The following ESR1 variants were observed in gnomAD, a reference collection of about 807,000 sequenced individuals.
The protein encoded by ESR1 is estrogen receptor.
In ESR1, 12 loss-of-function variants were observed where a neutral mutation model predicts 52.7. That is an observed-to-expected ratio of 0.23 (90% confidence interval 0.15 to 0.37). ESR1 has a LOEUF of 0.37. ESR1 is among the 10% of genes least tolerant of loss of function. The pLI, the probability that ESR1 is intolerant of heterozygous loss-of-function variation, is 1.00. For synonymous variants in ESR1, 305 were observed against 316.8 expected, an observed-to-expected ratio of 0.96 and a Z score of 0.39; for missense variants, 584 against 779.7, an observed-to-expected ratio of 0.75 and a Z score of 2.99.
Position 152,053,825 on chromosome 6 carries a change from T to C in ESR1, c.1236-7166T>C, listed in dbSNP as rs2046888300. ...CGTTTTGGCAATACTTAGTAAAAGG[T>C]TAAATGTTTACACCCCTTGATTCTG... On this transcript the variant is annotated intron_variant, in intron 5 of 7. Coordinates refer to ENST00000206249, the MANE Select transcript of ESR1 (RefSeq NM_000125.4). This position sits in a 1 kb window ranked among gnomAD's most constrained non-coding sequence, Gnocchi z 4.1. Among the ~76,000 whole-genome samples the C allele has an allele frequency of 6.6e-6, 1 of 152,188 alleles. No homozygotes were observed. The highest frequency in any genetic ancestry group is 1.5e-5 in the Non-Finnish European group (1 of 68,032).
At chr6:151,963,979 T>G (rs1317437373) in intron 4 of ESR1, among the ~76,000 whole-genome samples, 1 of 152,110 alleles carries the variant, frequency 6.6e-6, no homozygotes, top group African/African-American at 2.4e-5. Flanking sequence ...AAGTTGATCT[T>G]ACTTGTGCGG....
chr6:151,743,779 A>G (rs902910455), intron 2 of ESR1, among the ~76,000 whole-genome samples: 3 of 152,202 alleles, frequency 2.0e-5, no homozygotes, highest in Non-Finnish European at 4.4e-5. Context: ...CAATTAATAT[A>G]CCACAAAATC....
At chr6:152,084,796 G>T (rs1393380654) in intron 6 of ESR1, among the ~76,000 whole-genome samples, 2 of 152,012 alleles carry the variant, frequency 1.3e-5, no homozygotes, top group Non-Finnish European at 2.9e-5. Context: ...CTTTGGCAAG[G>T]ATTGTGCAAC....
At chr6:151,871,550 C>A (rs1159454217) in intron 2 of ESR1, among the ~76,000 whole-genome samples, 1 of 152,012 alleles carries the variant, frequency 6.6e-6, no homozygotes. Flanking sequence ...ATTACAGGTG[C>A]CCACCACCAC....
chr6:151,721,237 A>G (rs1583013802), intron 2 of ESR1, among the ~76,000 whole-genome samples: 1 of 152,326 alleles, frequency 6.6e-6, no homozygotes, highest in East Asian at 1.9e-4. Flanking sequence ...GGAAAGAGGC[A>G]ACAAGAACCA....
intron 6 of ESR1, among the ~76,000 whole-genome samples, chr6:152,083,490 A>G (rs1000385190): frequency 6.6e-6 from 1 of 152,142 alleles, no homozygotes; most frequent in African/African-American, 2.4e-5. Context: ...ACTTAAATGT[A>G]AGACCTAACA....
At chr6:151,731,447 G>T (rs7742899) in intron 2 of ESR1, among the ~76,000 whole-genome samples, 21 of 152,204 alleles carry the variant, frequency 1.4e-4, no homozygotes, top group African/African-American at 5.1e-4. Context: ...GGCTGGCTGG[G>T]CACCTAGAGC....
At chr6:151,985,372 G>A (rs979823817) in intron 4 of ESR1, among the ~76,000 whole-genome samples, 1 of 151,768 alleles carries the variant, frequency 6.6e-6, no homozygotes, top group Non-Finnish European at 1.5e-5. Context: ...GCTGGGCATG[G>A]TGGCATGTGC....
At chr6:151,995,008 A>G (rs1031833963) in intron 4 of ESR1, among the ~76,000 whole-genome samples, 2 of 152,150 alleles carry the variant, frequency 1.3e-5, no homozygotes, top group African/African-American at 4.8e-5. Context: ...ATGCCTTCTC[A>G]TATCTTCAGT....
At chr6:151,949,028 A>G (rs1039107531) in intron 4 of ESR1, among the ~76,000 whole-genome samples, 2 of 152,206 alleles carry the variant, frequency 1.3e-5, no homozygotes, top group Non-Finnish European at 2.9e-5. Context: ...CAATTTTCCC[A>G]TAAACTAGAA....
intron 1 of ESR1, among the ~76,000 whole-genome samples, chr6:151,832,959 G>A (rs949666743): frequency 2.6e-5 from 4 of 152,184 alleles, no homozygotes; most frequent in South Asian, 2.1e-4. Context: ...CAGTGGACAC[G>A]TAGTTATATG....
At chr6:151,827,794 A>C (rs1454874754) in intron 1 of ESR1, among the ~76,000 whole-genome samples, 1 of 152,232 alleles carries the variant, frequency 6.6e-6, no homozygotes, top group African/African-American at 2.4e-5. Context: ...CAAGTATTGC[A>C]TGGTAATTAA....
At chr6:151,855,003 T>C (rs9340823) in intron 2 of ESR1, among the ~76,000 whole-genome samples, 6,518 of 152,262 alleles carry the variant, frequency 0.043, 253 homozygotes, top group East Asian at 0.17. Context: ...AACCTCTGCC[T>C]CCCAGGTTCA....
chr6:151,676,705 A>G (rs1778265409), intron 1 of ESR1, among the ~76,000 whole-genome samples: 1 of 152,148 alleles, frequency 6.6e-6, no homozygotes, highest in African/African-American at 2.4e-5. Flanking sequence ...ATGGGAAGGC[A>G]TCCTGGAGAT....
chr6:151,714,003 T>G (rs1298114128), intron 2 of ESR1, among the ~76,000 whole-genome samples: 2 of 152,242 alleles, frequency 1.3e-5, no homozygotes, highest in South Asian at 2.1e-4. Context: ...CTCTAAACAC[T>G]GCTTTAGCTG....
intron 1 of ESR1, among the ~76,000 whole-genome samples, chr6:151,814,919 A>G (rs2128174716): frequency 6.6e-6 from 1 of 152,282 alleles, no homozygotes. Flanking sequence ...TCTCCCAGTA[A>G]ACTTGGTTTC....
intron 1 of ESR1, among the ~76,000 whole-genome samples, chr6:151,665,617 CT>C (rs950958491): frequency 6.6e-5 from 10 of 151,018 alleles, no homozygotes; most frequent in Non-Finnish European, 3.0e-5. Context: ...CTTTTCTTTT[CT>C]TTTTTTTTCG....
In ESR1 at chr6:152,084,925, A is replaced by G. The variant is rs73781096; in HGVS notation, c.1370-9460A>G. ...GTGGTGATCAGACTAAAGGTCTCCT[A>G]TGAAAACCATTAACTTCACACTATA... On this transcript the variant is annotated intron_variant, in intron 6 of 7. Coordinates refer to ENST00000206249, the MANE Select transcript of ESR1 (RefSeq NM_000125.4). 2.0e-3 allele frequency among the ~76,000 whole-genome samples: 298 copies of G among 152,314 alleles called. 1 individual carries two copies. The highest frequency in any genetic ancestry group is 6.9e-3 in the African/African-American group (285 of 41,564).
At chr6:152,125,390 A>G in exon 7 of ESR1, 1 of 1,535,640 alleles carries the variant, frequency 6.5e-7, no homozygotes, top group Non-Finnish European at 8.8e-7. Flanking sequence ...GCAGATCATC[A>G]AATCCGTGTG....
Sources: gnomAD v4.1 joint callset for allele counts (sites outside exome capture counted in the v4.1 genomes callset) on GRCh38, gnomAD v4.1.1 for gene constraint, Gnocchi (gnomAD v3.1) non-coding constraint, MANE v1.5 for transcripts, NCBI Gene and HGNC (gene_info 2026-07-23, HGNC 2026-07-21) for gene names.